STK10: variants seen among roughly 807,000 people sequenced by gnomAD.
The protein encoded by STK10 is serine/threonine-protein kinase 10.
In STK10, 78 loss-of-function variants were observed where a neutral mutation model predicts 113.8. That is an observed-to-expected ratio of 0.69 (90% CI 0.57 to 0.83). The LOEUF is 0.83. Ranked by LOEUF, STK10 falls within the 40% of genes least tolerant of loss-of-function variation. The pLI, the probability that STK10 is intolerant of heterozygous loss-of-function variation, is 0.00. For synonymous variants in STK10, 465 were observed against 494.7 expected (o/e 0.94, Z 0.80); for missense variants, 1,109 against 1,280.1 (o/e 0.87, Z 2.04).
intron 10 of STK10, among the ~76,000 whole-genome samples, chr5:172,087,107 A>T (rs1236416347): frequency 5.4e-5 from 7 of 128,950 alleles, no homozygotes; most frequent in Non-Finnish European, 8.2e-5. Context: ...AGATGACACC[A>T]GTGTGTGTGT....
chr5:172,153,753 A>G (rs1215511390), intron 2 of STK10, among the ~76,000 whole-genome samples: 1 of 152,246 alleles, frequency 6.6e-6, no homozygotes, highest in South Asian at 2.1e-4. Flanking sequence ...ACAGAAGGAA[A>G]TATCAAAGGG....
chr5:172,046,574 T>C (rs918094236), intron 18 of STK10, among the ~76,000 whole-genome samples: 1 of 152,220 alleles, frequency 6.6e-6, no homozygotes, highest in Non-Finnish European at 1.5e-5. Context: ...TCATCCCACC[T>C]GTGTGACTCC....
intron 2 of STK10, among the ~76,000 whole-genome samples, chr5:172,130,531 CA>C (rs11338879): frequency 0.35 from 41,476 of 117,146 alleles, 6,462 homozygotes; most frequent in African/African-American, 0.51. Context: ...ACTCTGTCTC[CA>C]AAAAAAAAAA....
chr5:172,078,619 TAAAAAAAAAAAA>T (rs58823824), intron 12 of STK10, among the ~76,000 whole-genome samples: 9,849 of 72,124 alleles, frequency 0.14, 521 homozygotes, highest in East Asian at 0.31. Context: ...GCCTCATCAT[TAAAAAAAAAAAA>T]AAAAAAAAAA....
intron 1 of STK10, among the ~76,000 whole-genome samples, chr5:172,162,789 C>A (rs759980191): frequency 6.6e-6 from 1 of 152,182 alleles, no homozygotes; most frequent in Non-Finnish European, 1.5e-5. Context: ...GGCCGCATGT[C>A]ACCTTTACCT....
intron 12 of STK10, among the ~76,000 whole-genome samples, chr5:172,069,386 G>A (rs1270004698): frequency 6.6e-6 from 1 of 152,092 alleles, no homozygotes; most frequent in African/African-American, 2.4e-5. Context: ...AGTAGGATTG[G>A]CTATTTATTA....
intron 2 of STK10, among the ~76,000 whole-genome samples, chr5:172,152,907 T>A (rs1467550859): frequency 6.6e-6 from 1 of 152,262 alleles, no homozygotes; most frequent in African/African-American, 2.4e-5. Context: ...CATATTTTTA[T>A]ACACTGGGTT....
Position 172,055,432 on chromosome 5 carries a change from C to T in STK10, c.2526+156G>A, listed in dbSNP as rs547662550. On this transcript the variant is annotated intron_variant, in intron 16 of 18. Transcript: ENST00000176763. Reference sequence around the variant, plus strand: ...CTCAAACTCCTGGGCTCAAGTGACCCGCCCGCCTCGGCCTCTCAAAGTGTT... The same window carrying T: ...CTCAAACTCCTGGGCTCAAGTGACCTGCCCGCCTCGGCCTCTCAAAGTGTT... Among the ~76,000 whole-genome samples, 6 of 152,204 alleles carry T rather than the reference C, an allele frequency of 3.9e-5. No individual in the cohort carries two copies. The South Asian group carries it at 6.2e-4, about 16-fold the overall frequency.
At position 172,082,195 on chromosome 5, in the gene STK10, G is replaced by T; in HGVS notation, c.1989+131C>A. 9.7e-7 allele frequency: 1 copy of T among 1,030,398 alleles called. No homozygotes were observed. Among genetic ancestry groups the T allele is most frequent in the Non-Finnish European group, 1.3e-6 (1 of 752,996 alleles). The allele number at this position is 1,030,398 out of a possible 1,614,324, so 63.8% of individuals were successfully genotyped here. Reference sequence around the variant, plus strand: ...GGCGCAGCTTGGGCACACAGATCCAGGCTCACCTGCTCCCGAGCTCTTCAG... The same window carrying T: ...GGCGCAGCTTGGGCACACAGATCCATGCTCACCTGCTCCCGAGCTCTTCAG... On this transcript the variant is annotated intron_variant, in intron 12 of 18. Transcript: ENST00000176763. This position sits in a 1 kb window ranked among gnomAD's most constrained non-coding sequence, Gnocchi z 4.3.
intron 1 of STK10, among the ~76,000 whole-genome samples, chr5:172,157,290 G>A (rs1770370159): frequency 6.6e-6 from 1 of 152,128 alleles, no homozygotes; most frequent in African/African-American, 2.4e-5. Flanking sequence ...CGGGTGCGGT[G>A]GCTCACACCT....
chr5:172,087,879 C>T lies in STK10; in HGVS notation c.1685+2353G>A, dbSNP rs1192079939. Among the ~76,000 whole-genome samples, 5 of 102,640 alleles carry T rather than the reference C, an allele frequency of 4.9e-5. 1 individual carries two copies. Among genetic ancestry groups the T allele is most frequent in the Middle Eastern group, 9.6e-3 (2 of 208 alleles). 67.3% of individuals were successfully genotyped at this position (102,640 alleles called of 152,430 possible). On this transcript the variant is annotated intron_variant, in intron 10 of 18. Transcript: ENST00000176763. Reference sequence around the variant, plus strand: ...TCCTGACCTCATGATCCACCCGCCTCGGCCTCCCAAAGTGCTGGGATTACA... The same window carrying T: ...TCCTGACCTCATGATCCACCCGCCTTGGCCTCCCAAAGTGCTGGGATTACA...
intron 12 of STK10, among the ~76,000 whole-genome samples, chr5:172,073,419 T>C (rs533872888): frequency 5.5e-4 from 83 of 152,278 alleles, no homozygotes; most frequent in African/African-American, 1.9e-3. Context: ...TCCAAAGTGC[T>C]GGGATTACAG....
At chr5:172,059,723 G>A (rs1249867791) in intron 14 of STK10, among the ~76,000 whole-genome samples, 1 of 152,056 alleles carries the variant, frequency 6.6e-6, no homozygotes, top group Non-Finnish European at 1.5e-5. Flanking sequence ...GCTGGATGGT[G>A]GCCCGCACCA....
At chr5:172,165,168 T>G (rs1485295921) in intron 1 of STK10, among the ~76,000 whole-genome samples, 1 of 141,198 alleles carries the variant, frequency 7.1e-6, no homozygotes. Context: ...GGCCCTCCCC[T>G]TCCCTCCCGG....
intron 4 of STK10, chr5:172,114,522 G>A (rs56207244): frequency 9.7e-6 from 1 of 102,830 alleles, no homozygotes; most frequent in Non-Finnish European, 1.7e-5. Flanking sequence ...TCACTCTGTC[G>A]CCCAGGCTGG....
intron 10 of STK10, among the ~76,000 whole-genome samples, chr5:172,086,792 C>A (rs563553154): frequency 1.2e-4 from 19 of 152,306 alleles, no homozygotes; most frequent in African/African-American, 3.8e-4. Flanking sequence ...CGAGAAAATC[C>A]CGGTTCCTGC....
intron 2 of STK10, among the ~76,000 whole-genome samples, chr5:172,153,310 A>ATGAGAGAGAGAGAGAGAGAG (rs1402371039): frequency 6.6e-6 from 1 of 151,832 alleles, no homozygotes; most frequent in African/African-American, 2.4e-5. Context: ...GAAAGAAAGA[A>ATGAGAGAGAGAGAGAGAGAG]AGAAAGAAAG....
chr5:172,118,862 G>C (rs1769442730), intron 3 of STK10, among the ~76,000 whole-genome samples: 1 of 127,288 alleles, frequency 7.9e-6, no homozygotes, highest in Non-Finnish European at 1.6e-5. Flanking sequence ...CTGGGTGACA[G>C]AGCGAGACTC....
rs752966171 is a variant in STK10 at position 172,082,422 on chromosome 5, A to G, written c.1893T>C (p.His631=). Residue 631 remains histidine, a synonymous_variant, in exon 12 of 19, where the codon CAT becomes CAC. Coordinates refer to ENST00000176763, the MANE Select transcript of STK10 (RefSeq NM_005990.4). The surrounding 1 kb of genome is among the most constrained non-coding windows in gnomAD (Gnocchi z 4.3). ...KQQVEKMEQD[H]AVRRREEARR... is the part of the protein sequence containing the mutation. ...TGGCCTCCTCCCGGCGGCGCACGGCATGGTCTTGCTCCATCTTCTCCACTT... is the reference window on the plus strand; with the variant it reads ...TGGCCTCCTCCCGGCGGCGCACGGCGTGGTCTTGCTCCATCTTCTCCACTT... The G allele has an allele frequency of 5.0e-6, 8 of 1,612,134 alleles. No individual in the cohort carries two copies. In the Admixed American group the frequency reaches 5.0e-5, roughly 10 times the overall value.
Sources: allele counts gnomAD v4.1 joint callset (sites outside exome capture counted in the v4.1 genomes callset), GRCh38; gene constraint gnomAD v4.1.1; non-coding constraint Gnocchi (gnomAD v3.1); transcripts MANE v1.5; gene names NCBI Gene and HGNC (gene_info 2026-07-23, HGNC 2026-07-21).